KCNH8: variants seen among roughly 807,000 people sequenced by gnomAD.
The protein encoded by KCNH8 is voltage-gated delayed rectifier potassium channel KCNH8.
Under a neutral mutation model 103.6 loss-of-function variants are expected in KCNH8, and 70 were observed. The ratio of observed to expected loss-of-function variants is 0.68; its 90% CI spans 0.56 to 0.82. The LOEUF (loss-of-function observed/expected upper bound fraction) is 0.82. Ranked by LOEUF, KCNH8 falls within the 40% of genes least tolerant of loss-of-function variation. The probability of loss-of-function intolerance (pLI) is 0.00; values close to 1 mark genes in which losing one functional copy is unlikely to be tolerated. For missense variants in KCNH8, 1,217 were observed against 1,329.9 expected, an observed-to-expected ratio of 0.92 and a Z score of 1.32; for synonymous variants, 498 against 489.4, an observed-to-expected ratio of 1.02 and a Z score of -0.23.
intron 1 of KCNH8, among the ~76,000 whole-genome samples, chr3:19,162,137 C>G (rs1021659659): frequency 2.0e-5 from 3 of 151,936 alleles, no homozygotes; most frequent in Admixed American, 6.6e-5. Context: ...TTAAACAAAA[C>G]ACTAAAAACT....
At chr3:19,379,193 A>G (rs946377005) in intron 5 of KCNH8, among the ~76,000 whole-genome samples, 5 of 152,236 alleles carry the variant, frequency 3.3e-5, no homozygotes, top group African/African-American at 7.2e-5. Context: ...GAAAAGCCTC[A>G]TTACAGTTTA....
intron 1 of KCNH8, among the ~76,000 whole-genome samples, chr3:19,241,019 A>G (rs1401783510): frequency 6.6e-6 from 1 of 152,066 alleles, no homozygotes. Context: ...TCTATAGCCT[A>G]TCCTATTTTG....
rs1386521813 is a variant in KCNH8, at chr3:19,473,667, GTCT to G, written c.2040+16690_2040+16692del. 1.1e-4 allele frequency among the ~76,000 whole-genome samples: 16 copies of G among 152,248 alleles called. No homozygotes were observed. In the East Asian group the frequency reaches 1.2e-3, roughly 11 times the overall value. ...GTTTCATTCTTGTAAGAAGATGCAG[GTCT>G]TCTTATTAGTGGAAATAAATGAAAA... On this transcript the variant is annotated intron_variant, in intron 11 of 15. Coordinates refer to ENST00000328405, the MANE Select transcript of KCNH8 (RefSeq NM_144633.3).
intron 7 of KCNH8, among the ~76,000 whole-genome samples, chr3:19,416,291 G>T (rs2066862359): frequency 6.6e-6 from 1 of 151,984 alleles, no homozygotes; most frequent in East Asian, 1.9e-4. Context: ...TCAAGCTTTT[G>T]AATTTAATTA....
rs563622438 is a variant in KCNH8, at chr3:19,533,690, G to A, written c.2915G>A (p.Arg972Gln). 6 of 1,614,114 alleles carry A rather than the reference G, an allele frequency of 3.7e-6. No homozygotes were observed. The highest frequency in any genetic ancestry group is 4.5e-5 in the East Asian group (2 of 44,880). Reference sequence around the variant, plus strand: ...TCCTCTGTGGGGAGCAGCCCCCAACGAACTGGAGCTCATGAGCAAAATCCT... The same window carrying A: ...TCCTCTGTGGGGAGCAGCCCCCAACAAACTGGAGCTCATGAGCAAAATCCT... ...DPSSVGSSPQ[R>Q]TGAHEQNPAD... Residue 972 changes from arginine (R) to glutamine (Q), a missense_variant, in exon 16 of 16, where the codon CGA becomes CAA. By Grantham distance (43) the Arg-to-Gln change is conservative. Around this residue, in one of 3 missense-constraint regions of KCNH8, gnomAD observed 558 missense variants for 495.8 expected, o/e 1.13. Transcript: ENST00000328405.
intron 2 of KCNH8, among the ~76,000 whole-genome samples, chr3:19,258,905 T>TTCTCTCTCTCTCTCTC (rs755488116): frequency 9.3e-5 from 4 of 43,078 alleles, no homozygotes; most frequent in Non-Finnish European, 1.3e-4. Flanking sequence ...TATTTTCTGT[T>TTCTCTCTCTCTCTCTC]TCTCTCTCTC....
At chr3:19,201,590 C>A (rs1393355184) in intron 1 of KCNH8, among the ~76,000 whole-genome samples, 1 of 152,050 alleles carries the variant, frequency 6.6e-6, no homozygotes, top group Non-Finnish European at 1.5e-5. Context: ...AGCTGCTATA[C>A]AGCTCAATGG....
intron 11 of KCNH8, among the ~76,000 whole-genome samples, chr3:19,498,281 T>G (rs188228893): frequency 6.6e-6 from 1 of 152,370 alleles, no homozygotes; most frequent in East Asian, 1.9e-4. Context: ...CCTTTTATGT[T>G]GTTAGCTGGC....
At chr3:19,504,524 A>T (rs1024076608) in intron 11 of KCNH8, among the ~76,000 whole-genome samples, 3 of 152,208 alleles carry the variant, frequency 2.0e-5, no homozygotes, top group African/African-American at 7.2e-5. Context: ...GGTAAAGGCC[A>T]TGAACAGACA....
chr3:19,168,249 A>G (rs757808298), intron 1 of KCNH8, among the ~76,000 whole-genome samples: 2 of 151,990 alleles, frequency 1.3e-5, no homozygotes, highest in Admixed American at 6.6e-5. Context: ...GCTGGTCACT[A>G]ACTCCTGGCC....
At chr3:19,386,512 G>T (rs928642037) in intron 5 of KCNH8, among the ~76,000 whole-genome samples, 5 of 152,060 alleles carry the variant, frequency 3.3e-5, no homozygotes, top group Non-Finnish European at 5.9e-5. Flanking sequence ...AGCACATGGA[G>T]ACATTAAGCT....
intron 11 of KCNH8, among the ~76,000 whole-genome samples, chr3:19,459,078 T>G (rs748513332): frequency 2.0e-5 from 3 of 152,058 alleles, no homozygotes; most frequent in Non-Finnish European, 2.9e-5. Context: ...ATATATCTCT[T>G]TAAGATACTG....
At chr3:19,305,112 A>C (rs1029908339) in intron 3 of KCNH8, among the ~76,000 whole-genome samples, 1 of 152,066 alleles carries the variant, frequency 6.6e-6, no homozygotes, top group Non-Finnish European at 1.5e-5. Flanking sequence ...AGGAAAAAAA[A>C]AAAGTGCTAT....
chr3:19,485,600 ATCC>A (rs2068188821), intron 11 of KCNH8, among the ~76,000 whole-genome samples: 1 of 152,172 alleles, frequency 6.6e-6, no homozygotes, highest in Non-Finnish European at 1.5e-5. Flanking sequence ...AGTCTGATCT[ATCC>A]TCCTTTTATT....
intron 1 of KCNH8, among the ~76,000 whole-genome samples, chr3:19,240,965 T>C (rs2125244820): frequency 6.6e-6 from 1 of 152,304 alleles, no homozygotes; most frequent in East Asian, 1.9e-4. Flanking sequence ...TTATGGACTG[T>C]CATGATAACC....
chr3:19,228,149 C>T (rs1385528006), intron 1 of KCNH8, among the ~76,000 whole-genome samples: 2 of 152,046 alleles, frequency 1.3e-5, no homozygotes, highest in African/African-American at 4.8e-5. Flanking sequence ...TGTCTCACCT[C>T]CTGTTTTTTT....
intron 5 of KCNH8, among the ~76,000 whole-genome samples, chr3:19,361,513 T>C (rs2065946960): frequency 6.6e-6 from 1 of 152,172 alleles, no homozygotes; most frequent in African/African-American, 2.4e-5. Context: ...ACTTGAGTAG[T>C]TCTAGTTTGC....
intron 3 of KCNH8, among the ~76,000 whole-genome samples, chr3:19,297,154 A>G (rs1018940415): frequency 2.0e-5 from 3 of 152,198 alleles, no homozygotes; most frequent in African/African-American, 7.2e-5. Context: ...AGCATGGAAA[A>G]AAATACTGAG....
At chr3:19,268,317 T>C in intron 2 of KCNH8, among the ~76,000 whole-genome samples, 1 of 152,056 alleles carries the variant, frequency 6.6e-6, no homozygotes, top group Admixed American at 6.6e-5. Context: ...TTGAGTTGAC[T>C]TTTGAAGGAT....
Sources: gnomAD v4.1 joint callset for allele counts (sites outside exome capture counted in the v4.1 genomes callset) on GRCh38, gnomAD v4.1.1 for gene constraint, gnomAD v4.1.1 regional missense constraint, MANE v1.5 for transcripts, NCBI Gene and HGNC (gene_info 2026-07-23, HGNC 2026-07-21) for gene names.